CAMK2B: variants seen among roughly 807,000 people sequenced by gnomAD.
CAMK2B encodes the protein calcium/calmodulin dependent protein kinase II beta, also known as calcium/calmodulin-dependent protein kinase type II subunit beta.
Under a neutral mutation model 93.7 loss-of-function variants are expected in CAMK2B, and 27 were observed. That is an observed-to-expected ratio of 0.29 (90% CI 0.21 to 0.40). The LOEUF is 0.40. Among genes scored for constraint, CAMK2B ranks in the 10% least tolerant of loss-of-function variants. CAMK2B has a pLI of 1.00. For synonymous variants in CAMK2B, 374 were observed against 358.8 expected (o/e 1.04, Z -0.48); for missense variants, 568 against 895.8 (o/e 0.63, Z 4.67).
intron 2 of CAMK2B, among the ~76,000 whole-genome samples, chr7:44,276,464 G>A (rs1382675409): frequency 6.6e-6 from 1 of 152,210 alleles, no homozygotes; most frequent in Admixed American, 6.5e-5. Context: ...GTCCCAGGCA[G>A]GCAGGCTTCT....
At chr7:44,240,019 G>A (rs1313810700) in intron 12 of CAMK2B, among the ~76,000 whole-genome samples, 1 of 152,176 alleles carries the variant, frequency 6.6e-6, no homozygotes, top group Non-Finnish European at 1.5e-5. Context: ...TGGCGGGTGG[G>A]GGGCACCAGA....
At chr7:44,285,818 G>A (rs1784892309) in intron 1 of CAMK2B, among the ~76,000 whole-genome samples, 1 of 124,666 alleles carries the variant, frequency 8.0e-6, no homozygotes, top group African/African-American at 2.9e-5. Context: ...CGGCGGGGGG[G>A]AGGCGCGGCG....
chr7:44,295,932 G>A (rs946324959), intron 1 of CAMK2B, among the ~76,000 whole-genome samples: 1 of 152,092 alleles, frequency 6.6e-6, no homozygotes, highest in Non-Finnish European at 1.5e-5. Context: ...GCACAGGCTC[G>A]CTAAAATACT....
intron 2 of CAMK2B, among the ~76,000 whole-genome samples, chr7:44,274,199 C>A (rs2097007073): frequency 6.6e-6 from 1 of 152,142 alleles, no homozygotes; most frequent in Non-Finnish European, 1.5e-5. Flanking sequence ...GAGCTGGAGT[C>A]GGGGCTCCCC....
intron 1 of CAMK2B, among the ~76,000 whole-genome samples, chr7:44,290,710 G>A (rs1786552732): frequency 6.6e-6 from 1 of 152,216 alleles, no homozygotes; most frequent in Non-Finnish European, 1.5e-5. Context: ...CAGAGGGGGA[G>A]GTCTTTTATA....
Position 44,325,588 on chromosome 7 carries a change from G to T in CAMK2B, c.-167C>A. 1 of 183,532 alleles carries T rather than the reference G, an allele frequency of 5.4e-6. No individual in the cohort carries two copies. Among genetic ancestry groups the T allele is most frequent in the South Asian group, 1.7e-4 (1 of 5,894 alleles). 11.4% of individuals were successfully genotyped at this position (183,532 alleles called of 1,614,324 possible). A position where few individuals can be genotyped will look rare whatever the true frequency, so the allele number is the denominator to read the frequency against. Reference sequence around the variant, plus strand: ...GCTGCGCCGGGCGGCGAGCGCACGCGAGATCTGCTCGCTCCGTCCTCGCCA... The same window carrying T: ...GCTGCGCCGGGCGGCGAGCGCACGCTAGATCTGCTCGCTCCGTCCTCGCCA... On this transcript the variant is annotated 5_prime_UTR_variant, in exon 1 of 24. Coordinates refer to ENST00000395749, the MANE Select transcript of CAMK2B (RefSeq NM_001220.5).
At position 44,245,739 on chromosome 7, in the gene CAMK2B, G is replaced by A. The variant is rs556832169; in HGVS notation, c.414+1381C>T. On this transcript the variant is annotated intron_variant, in intron 6 of 23. Transcript: ENST00000395749. Reference sequence around the variant, plus strand: ...TGTAAAGGGTATAGGAGAGGGTCCCGGATCTGCTCTTGGTGTGACACTCTC... The same window carrying A: ...TGTAAAGGGTATAGGAGAGGGTCCCAGATCTGCTCTTGGTGTGACACTCTC... Among the ~76,000 whole-genome samples, 5 of 152,194 alleles carry A rather than the reference G, an allele frequency of 3.3e-5. No homozygotes were observed. The South Asian group carries it at 6.2e-4, about 19-fold the overall frequency.
At chr7:44,234,810 C>CCTGGGTGCTGGA in intron 13 of CAMK2B, 134 bp from the exon 14 acceptor site, 2 of 926,252 alleles carry the variant, frequency 2.2e-6, no homozygotes, top group Non-Finnish European at 3.4e-6. Context: ...GTGGTTCCAG[C>CCTGGGTGCTGGA]ACCCAGGCTG....
chr7:44,300,833 C>T (rs1295411579), intron 1 of CAMK2B, among the ~76,000 whole-genome samples: 1 of 152,196 alleles, frequency 6.6e-6, no homozygotes, highest in African/African-American at 2.4e-5. Flanking sequence ...AATACATTTT[C>T]TTCTCAAGCT....
At chr7:44,273,793 T>G (rs2097000464) in intron 2 of CAMK2B, among the ~76,000 whole-genome samples, 1 of 152,130 alleles carries the variant, frequency 6.6e-6, no homozygotes. Flanking sequence ...TCCATGTCCT[T>G]TTTGTCCTTT....
chr7:44,233,180 G>T (rs1317726455), intron 15 of CAMK2B, among the ~76,000 whole-genome samples: 1 of 152,128 alleles, frequency 6.6e-6, no homozygotes, highest in Non-Finnish European at 1.5e-5. Flanking sequence ...AGCCAGAGAA[G>T]CCAGGCTCGG....
chr7:44,308,715 G>T (rs1792636188), intron 1 of CAMK2B, among the ~76,000 whole-genome samples: 1 of 152,168 alleles, frequency 6.6e-6, no homozygotes, highest in South Asian at 2.1e-4. Flanking sequence ...GGAGGGCAAG[G>T]CCCCGTCCTA....
intron 1 of CAMK2B, among the ~76,000 whole-genome samples, chr7:44,318,130 A>G (rs984610739): frequency 2.6e-5 from 4 of 152,196 alleles, no homozygotes; most frequent in Admixed American, 2.6e-4. Flanking sequence ...AATGGCCTGG[A>G]TCAAACTCAC....
At chr7:44,232,735 A>G in intron 16 of CAMK2B, 87 bp downstream of exon 16, 1 of 1,342,468 alleles carries the variant, frequency 7.4e-7, no homozygotes, top group Non-Finnish European at 1.1e-6. Context: ...TCTGCCCTCC[A>G]CTCTGGCACA....
intron 1 of CAMK2B, among the ~76,000 whole-genome samples, chr7:44,307,515 C>T (rs922724050): frequency 6.6e-6 from 1 of 151,958 alleles, no homozygotes; most frequent in Admixed American, 6.6e-5. Context: ...TTGGCGCCAT[C>T]TGGCCCCTGG....
chr7:44,252,565 G>C (rs2096790557), intron 5 of CAMK2B, among the ~76,000 whole-genome samples: 2 of 151,156 alleles, frequency 1.3e-5, no homozygotes, highest in Admixed American at 1.3e-4. Flanking sequence ...GTGGGGCTGT[G>C]GTCTAAGGCA....
Position 44,300,809 on chromosome 7 carries a change from T to C in CAMK2B, c.66-16584A>G, listed in dbSNP as rs114212864. ...TAACAGACATCTATAGACTACTTCA[T>C]CCAACAACGGCAGAATACATTTTCT... On this transcript the variant is annotated intron_variant, in intron 1 of 23. Transcript: ENST00000395749. Among the ~76,000 whole-genome samples the C allele has an allele frequency of 6.7e-3, 1,015 of 152,268 alleles. 16 individuals are homozygous for C. Among genetic ancestry groups the C allele is most frequent in the African/African-American group, 0.023 (970 of 41,530 alleles).
rs751467789 is a variant in CAMK2B, at chr7:44,243,410, G to T, written c.517+15C>A. 3.1e-6 allele frequency: 5 copies of T among 1,613,236 alleles called. No individual in the cohort carries two copies. Among genetic ancestry groups the T allele is most frequent in the Non-Finnish European group, 3.4e-6 (4 of 1,179,194 alleles). ...TGCCAACTGCCAGCCAACACACCCTGCCCCTGGCACTCACCAAACCATGCC... is the reference window on the plus strand; with the variant it reads ...TGCCAACTGCCAGCCAACACACCCTTCCCCTGGCACTCACCAAACCATGCC... On this transcript the variant is annotated intron_variant, in intron 7 of 23. Coordinates refer to ENST00000395749, the MANE Select transcript of CAMK2B (RefSeq NM_001220.5).
At chr7:44,273,663 C>G (rs980406589) in intron 2 of CAMK2B, among the ~76,000 whole-genome samples, 3 of 152,336 alleles carry the variant, frequency 2.0e-5, no homozygotes, top group African/African-American at 7.2e-5. Context: ...AGGCCAGCCC[C>G]TGGGGGTGCA....
Sources: gnomAD v4.1 joint callset for allele counts (sites outside exome capture counted in the v4.1 genomes callset) on GRCh38, gnomAD v4.1.1 for gene constraint, MANE v1.5 for transcripts, NCBI Gene and HGNC (gene_info 2026-07-23, HGNC 2026-07-21) for gene names.